The following PECR variants were observed in gnomAD, a reference collection of about 807,000 sequenced individuals.
PECR encodes the protein 2,4-dienoyl-CoA reductase-related protein.
In PECR, 30 loss-of-function variants were observed where a neutral mutation model predicts 35.3. The observed-to-expected ratio is 0.85, with a 90% CI of 0.64 to 1.15. The LOEUF (loss-of-function observed/expected upper bound fraction) is 1.15. PECR is among the 50% of genes most tolerant of loss of function. PECR has a pLI of 0.00. For synonymous variants in PECR, 148 were observed against 138.9 expected (o/e 1.07, Z -0.46); for missense variants, 392 against 370.8 (o/e 1.06, Z -0.47).
chr2:216,046,310 A>ATATATATATATT (rs1553560626), intron 6 of PECR, among the ~76,000 whole-genome samples: 6 of 96,962 alleles, frequency 6.2e-5, no homozygotes, highest in African/African-American at 2.8e-4. Flanking sequence ...ATATATATAT[A>ATATATATATATT]TTTTTTTTTT....
At chr2:216,030,952 T>TCACACACA (rs1219324655) in intron 7 of PECR, among the ~76,000 whole-genome samples, 3 of 106,990 alleles carry the variant, frequency 2.8e-5, no homozygotes, top group Non-Finnish European at 5.7e-5. Flanking sequence ...TCTCTCTCTC[T>TCACACACA]CTCTCACACA....
chr2:216,074,549 G>A (rs923398755), intron 1 of PECR, among the ~76,000 whole-genome samples: 3 of 137,324 alleles, frequency 2.2e-5, no homozygotes, highest in South Asian at 2.3e-4. Context: ...AGAAAGGAAG[G>A]AAGGAAGGAA....
intron 6 of PECR, among the ~76,000 whole-genome samples, chr2:216,048,159 C>G (rs1490088671): frequency 6.6e-6 from 1 of 151,850 alleles, no homozygotes; most frequent in Non-Finnish European, 1.5e-5. Context: ...ACTGCAAGCT[C>G]CGCCTCCCGG....
At chr2:216,056,231 T>C (rs963928772) in intron 4 of PECR, among the ~76,000 whole-genome samples, 1 of 152,110 alleles carries the variant, frequency 6.6e-6, no homozygotes, top group Non-Finnish European at 1.5e-5. Context: ...TCAATTTGTC[T>C]CTTAAGAGAG....
chr2:216,031,689 A>AAGAAAGAAAGAG (rs1559204146), intron 7 of PECR, among the ~76,000 whole-genome samples: 2 of 32,942 alleles, frequency 6.1e-5, no homozygotes, highest in African/African-American at 1.3e-4. Flanking sequence ...GAAAGAAAGA[A>AAGAAAGAAAGAG]AGAGAAAGAA....
intron 7 of PECR, among the ~76,000 whole-genome samples, chr2:216,041,511 T>C (rs552911857): frequency 2.0e-5 from 3 of 152,318 alleles, no homozygotes; most frequent in South Asian, 2.1e-4. Flanking sequence ...TAAAGTTCTA[T>C]ACTGTGATAT....
At chr2:216,064,301 A>G (rs749139191) in intron 3 of PECR, among the ~76,000 whole-genome samples, 6 of 152,206 alleles carry the variant, frequency 3.9e-5, no homozygotes, top group Non-Finnish European at 5.9e-5. Flanking sequence ...TTTCTTTTAC[A>G]GCTAGGTATG....
In PECR at chr2:216,065,961, G is replaced by T. The variant is rs146610985; in HGVS notation, c.258+424C>A. ...CCAACACGGTGAAACCCGTCTTTAT[G>T]AAAAATACAAAAATTAGCTGGGCAT... On this transcript the variant is annotated intron_variant, in intron 2 of 7. Coordinates refer to ENST00000265322, the MANE Select transcript of PECR (RefSeq NM_018441.6). Among the ~76,000 whole-genome samples the T allele has an allele frequency of 5.4e-3, 824 of 152,182 alleles. 8 individuals carry two copies. The highest frequency in any genetic ancestry group is 0.019 in the African/African-American group (782 of 41,540).
At position 216,065,337 on chromosome 2, in the gene PECR, C is replaced by A. The variant is rs753002145; in HGVS notation, c.399G>T (p.Thr133=). The part of the protein sequence containing the change: ...GWHAVLETNL[T]GTFYMCKAVY... ...CTGCTTTGCACATGTAGAAGGTACCCGTCAGGTTGGTCTCAAGCACAGCGT... is the reference window on the plus strand; with the variant it reads ...CTGCTTTGCACATGTAGAAGGTACCAGTCAGGTTGGTCTCAAGCACAGCGT... Residue 133 remains threonine, a synonymous_variant, in exon 3 of 8, where the codon ACG becomes ACT. Coordinates refer to ENST00000265322, the MANE Select transcript of PECR (RefSeq NM_018441.6). The A allele has an allele frequency of 6.2e-7, 1 of 1,611,826 alleles. No individual in the cohort carries two copies. The highest frequency in any genetic ancestry group is 1.7e-5 in the Admixed American group (1 of 59,998).
At chr2:216,059,383 G>A (rs987255892) in intron 3 of PECR, among the ~76,000 whole-genome samples, 1 of 152,134 alleles carries the variant, frequency 6.6e-6, no homozygotes, top group Non-Finnish European at 1.5e-5. Flanking sequence ...CTTCCACTTA[G>A]AATCATGTTT....
intron 4 of PECR, 55 bp downstream of exon 4, chr2:216,058,840 C>T (rs1695279222): frequency 2.1e-6 from 2 of 938,294 alleles, no homozygotes; most frequent in Non-Finnish European, 3.5e-6. Flanking sequence ...ATGCTTCCCC[C>T]AATCAGAAGA....
rs539785453 is a variant in PECR at position 216,076,004 on chromosome 2, G to C, written c.124+5614C>G. Reference sequence around the variant, plus strand: ...TGCTAGGTTTTCCTTGATGAAATCAGGTTTCTCTCTGCCTAACAGCACCTG... The same window carrying C: ...TGCTAGGTTTTCCTTGATGAAATCACGTTTCTCTCTGCCTAACAGCACCTG... On this transcript the variant is annotated intron_variant, in intron 1 of 7. Coordinates refer to ENST00000265322, the MANE Select transcript of PECR (RefSeq NM_018441.6). 3.3e-5 allele frequency among the ~76,000 whole-genome samples: 5 copies of C among 152,256 alleles called. No homozygotes were observed. The South Asian group carries it at 8.3e-4, about 25-fold the overall frequency.
At chr2:216,031,475 G>GACAA (rs373434476) in intron 7 of PECR, among the ~76,000 whole-genome samples, 1 of 132,818 alleles carries the variant, frequency 7.5e-6, no homozygotes, top group Admixed American at 8.1e-5. Flanking sequence ...AAGAAAGAAA[G>GACAA]AGAAAGAAAG....
intron 1 of PECR, among the ~76,000 whole-genome samples, chr2:216,069,754 G>A (rs1191840694): frequency 6.6e-6 from 1 of 151,948 alleles, no homozygotes; most frequent in Non-Finnish European, 1.5e-5. Flanking sequence ...TGACCAACAT[G>A]GCAAAACCCC....
intron 4 of PECR, among the ~76,000 whole-genome samples, chr2:216,057,182 C>G (rs561221494): frequency 6.6e-6 from 1 of 152,206 alleles, no homozygotes; most frequent in African/African-American, 2.4e-5. Flanking sequence ...GCAATTATAC[C>G]TCTTGCAATT....
At chr2:216,048,843 C>CAAAAAAAA (rs59623283) in intron 6 of PECR, among the ~76,000 whole-genome samples, 1 of 74,056 alleles carries the variant, frequency 1.4e-5, no homozygotes, top group Non-Finnish European at 2.6e-5. Flanking sequence ...CTGTCTCAAG[C>CAAAAAAAA]AAAAAAAAAA....
At chr2:216,080,601 T>G (rs1574712991) in intron 1 of PECR, among the ~76,000 whole-genome samples, 1 of 152,224 alleles carries the variant, frequency 6.6e-6, no homozygotes, top group Admixed American at 6.5e-5. Context: ...CAAATTGCCT[T>G]CCAGAAAGTT....
chr2:216,050,391 C>T (rs1695085140), intron 5 of PECR, among the ~76,000 whole-genome samples: 1 of 152,084 alleles, frequency 6.6e-6, no homozygotes, highest in South Asian at 2.1e-4. Context: ...TATTGGTTTC[C>T]AATTACATAA....
intron 1 of PECR, among the ~76,000 whole-genome samples, chr2:216,074,080 C>G (rs1695638439): frequency 6.6e-6 from 1 of 152,222 alleles, no homozygotes; most frequent in African/African-American, 2.4e-5. Context: ...TTTGATATTT[C>G]TGCCTTCAAC....
Sources: allele counts gnomAD v4.1 joint callset (sites outside exome capture counted in the v4.1 genomes callset), GRCh38; gene constraint gnomAD v4.1.1; transcripts MANE v1.5; gene names NCBI Gene and HGNC (gene_info 2026-07-23, HGNC 2026-07-21).